GPC4: variants seen among roughly 807,000 people sequenced by gnomAD.
GPC4 encodes the protein glypican 4.
In GPC4, 10 loss-of-function variants were observed where a neutral mutation model predicts 35.0. That is an observed-to-expected ratio of 0.29 (90% CI 0.18 to 0.48). The LOEUF is 0.48. GPC4 is among the 20% of genes least tolerant of loss of function. The pLI is 0.99. For missense variants in GPC4, 322 were observed against 451.3 expected, an observed-to-expected ratio of 0.71 and a Z score of 2.60; for synonymous variants, 167 against 170.2, an observed-to-expected ratio of 0.98 and a Z score of 0.15.
At chrX:133,387,450 G>A (rs2068697035) in intron 1 of GPC4, among the ~76,000 whole-genome samples, 1 of 109,556 alleles carries the variant, frequency 9.1e-6, no homozygotes, top group African/African-American at 3.3e-5. Flanking sequence ...AAAGAAGAGA[G>A]AGAGAGAAAA....
At position 133,327,636 on chromosome X, in the gene GPC4, A is replaced by AGTGTGTGTGT. The variant is rs557359106; in HGVS notation, c.320-3110_320-3101dup. Among the ~76,000 whole-genome samples the AGTGTGTGTGT allele has an allele frequency of 2.7e-3, 226 of 83,272 alleles. 3 individuals carry two copies. The highest frequency in any genetic ancestry group is 9.6e-3 in the African/African-American group (217 of 22,652). 72.3% of individuals were successfully genotyped at this position (83,272 alleles called of 115,157 possible). A position where few individuals can be genotyped will look rare whatever the true frequency, so the allele number is the denominator to read the frequency against. ...CCATGACTCACATTCTGTCCAGGAAAGTGTGTGTGTGTGTGTGTGTGTGTG... is the reference window on the plus strand; with the variant it reads ...CCATGACTCACATTCTGTCCAGGAAAGTGTGTGTGTGTGTGTGTGTGTGTGTGTGTGTGTG... On this transcript the variant is annotated intron_variant, in intron 2 of 8. Transcript: ENST00000370828.
chrX:133,325,287 T>TGA (rs778491465), intron 2 of GPC4, among the ~76,000 whole-genome samples: 1 of 109,490 alleles, frequency 9.1e-6, no homozygotes, highest in Non-Finnish European at 1.9e-5. Context: ...TGTGTGTGTG[T>TGA]GAGAGAGAGA....
At position 133,305,795 on chromosome X, in the gene GPC4, C is replaced by A; in HGVS notation, c.1132G>T (p.Ala378Ser). The A allele has an allele frequency of 5.8e-6, 7 of 1,212,094 alleles. No homozygotes were observed. Among genetic ancestry groups the A allele is most frequent in the Non-Finnish European group, 7.8e-6 (7 of 895,608 alleles). The change falls in exon 6 of 9, where the codon GCT (alanine) becomes TCT (serine). Residue 378 changes from alanine (A) to serine (S), a missense_variant. Around this residue, in one of 3 missense-constraint regions of GPC4, gnomAD observed 163 missense variants for 277.2 expected, o/e 0.59. Coordinates refer to ENST00000370828, the MANE Select transcript of GPC4 (RefSeq NM_001448.3). Reference sequence around the variant, plus strand: ...ACCAGTCGGTCCAAACTAGTGCCAGCTGCTGTGGTTGGGCGTTCCTCGGGG... The same window carrying A: ...ACCAGTCGGTCCAAACTAGTGCCAGATGCTGTGGTTGGGCGTTCCTCGGGG... ...HHPEERPTTA[A>S]GTSLDRLVTD...
intron 1 of GPC4, among the ~76,000 whole-genome samples, chrX:133,395,066 G>T (rs1378773226): frequency 9.0e-6 from 1 of 111,213 alleles, no homozygotes; most frequent in Non-Finnish European, 1.9e-5. Flanking sequence ...CTACCCGCAA[G>T]CCCACAGTTC....
chrX:133,412,982 G>A (rs1021378866), intron 1 of GPC4, among the ~76,000 whole-genome samples: 2 of 112,627 alleles, frequency 1.8e-5, no homozygotes, highest in Non-Finnish European at 3.7e-5. Context: ...TAAGTGCAGA[G>A]CTGCATCTAC....
At chrX:133,400,401 G>A (rs1033907606) in intron 1 of GPC4, among the ~76,000 whole-genome samples, 2 of 112,531 alleles carry the variant, frequency 1.8e-5, no homozygotes, top group Admixed American at 9.4e-5. Flanking sequence ...CCACATCCAA[G>A]ACCAAGGGCT....
rs1221620443 is a variant in GPC4, at chrX:133,302,144, A to G, written c.*723T>C. The G allele has an allele frequency of 1.8e-5, 2 of 112,347 alleles. No homozygotes were observed. The highest frequency in any genetic ancestry group is 3.8e-5 in the Non-Finnish European group (2 of 53,273). 9.3% of individuals were successfully genotyped at this position (112,347 alleles called of 1,213,427 possible). On this transcript the variant is annotated 3_prime_UTR_variant, in exon 9 of 9. Coordinates refer to ENST00000370828, the MANE Select transcript of GPC4 (RefSeq NM_001448.3). The stretch of plus-strand genomic sequence containing the variant: ...CAAGAAATGGACCTATAGTGATCTT[A>G]GCTTATGTAATTCAACTCATTCAAA...
chrX:133,327,602 C>T (rs2068399548), intron 2 of GPC4, among the ~76,000 whole-genome samples: 1 of 104,502 alleles, frequency 9.6e-6, no homozygotes, highest in Non-Finnish European at 1.9e-5. Flanking sequence ...ATGGACCATA[C>T]TTTGGTTTCC....
intron 1 of GPC4, among the ~76,000 whole-genome samples, chrX:133,359,501 T>C (rs1375364597): frequency 9.0e-6 from 1 of 110,740 alleles, no homozygotes; most frequent in Non-Finnish European, 1.9e-5. Flanking sequence ...CAAAATAAAA[T>C]CTAGGCAGGA....
chrX:133,392,346 G>A (rs1022394982), intron 1 of GPC4, among the ~76,000 whole-genome samples: 2 of 103,559 alleles, frequency 1.9e-5, no homozygotes, highest in African/African-American at 7.1e-5. Flanking sequence ...AAGAAAGCAT[G>A]GCTAAAGCAA....
chrX:133,390,975 G>A (rs1437001014), intron 1 of GPC4, among the ~76,000 whole-genome samples: 1 of 111,390 alleles, frequency 9.0e-6, no homozygotes, highest in Non-Finnish European at 1.9e-5. Context: ...TGTCCACTTA[G>A]AATAGGAAAA....
chrX:133,350,565 A>C (rs1317269784), intron 1 of GPC4, among the ~76,000 whole-genome samples: 2 of 111,355 alleles, frequency 1.8e-5, no homozygotes, highest in Admixed American at 1.9e-4. Context: ...ACAACAACAA[A>C]AAACAAAAAA....
chrX:133,358,875 C>G (rs982315005), intron 1 of GPC4, among the ~76,000 whole-genome samples: 1 of 110,939 alleles, frequency 9.0e-6, no homozygotes, highest in African/African-American at 3.3e-5. Flanking sequence ...TATCCTCTTA[C>G]ATTTGTGTGT....
At chrX:133,304,653 G>A (rs1382373446) in intron 7 of GPC4, 72 bp downstream of exon 7, 8 of 1,144,074 alleles carry the variant, frequency 7.0e-6, no homozygotes, top group African/African-American at 1.8e-5. Flanking sequence ...TGACAATTGA[G>A]AGAACCCTCT....
At chrX:133,322,805 C>T (rs916820513) in intron 3 of GPC4, among the ~76,000 whole-genome samples, 6 of 112,385 alleles carry the variant, frequency 5.3e-5, no homozygotes, top group African/African-American at 1.9e-4. Flanking sequence ...TGCATCCAGG[C>T]TTTTTAGCAA....
chrX:133,345,729 C>T (rs771835906), intron 1 of GPC4, among the ~76,000 whole-genome samples: 4 of 112,062 alleles, frequency 3.6e-5, no homozygotes, highest in African/African-American at 1.3e-4. Context: ...TCCCTCTGAA[C>T]ATATTCTGGT....
intron 4 of GPC4, among the ~76,000 whole-genome samples, chrX:133,307,961 A>G (rs1232947682): frequency 8.9e-6 from 1 of 111,778 alleles, no homozygotes; most frequent in East Asian, 2.8e-4. Context: ...CCGGCTATAC[A>G]CAAGAGCCTG....
At chrX:133,346,986 C>A (rs1569347642) in intron 1 of GPC4, among the ~76,000 whole-genome samples, 1 of 110,956 alleles carries the variant, frequency 9.0e-6, no homozygotes, top group South Asian at 3.8e-4. Context: ...TGTAGATATA[C>A]TAAAAGTCAC....
intron 1 of GPC4, among the ~76,000 whole-genome samples, chrX:133,394,334 C>T (rs138143094): frequency 0.015 from 1,669 of 110,186 alleles, 11 homozygotes; most frequent in Non-Finnish European, 0.022. Context: ...ATATGTAAAA[C>T]ATACCTAAGT....
Sources: gnomAD v4.1 joint callset for allele counts (sites outside exome capture counted in the v4.1 genomes callset) on GRCh38, gnomAD v4.1.1 for gene constraint, gnomAD v4.1.1 regional missense constraint, MANE v1.5 for transcripts, NCBI Gene and HGNC (gene_info 2026-07-23, HGNC 2026-07-21) for gene names.